Variants in MGAT5 observed in about 807,000 individuals in gnomAD.
The protein encoded by MGAT5 is alpha-1,6-mannosylglycoprotein 6-beta-N-acetylglucosaminyltransferase A.
A neutral mutation model predicts 94.3 loss-of-function variants in MGAT5; 30 were observed. The observed-to-expected ratio is 0.32, with a 90% CI of 0.24 to 0.43. The LOEUF (loss-of-function observed/expected upper bound fraction) is 0.43, where lower values mean the gene tolerates loss of function less well. Among genes scored for constraint, MGAT5 ranks in the 20% least tolerant of loss-of-function variants. MGAT5 has a pLI of 1.00. For missense variants in MGAT5, 691 were observed against 905.5 expected (o/e 0.76, Z 3.04); for synonymous variants, 310 against 322.9 (o/e 0.96, Z 0.43).
chr2:134,428,238 C>G, intron 13 of MGAT5, 127 bp from the exon 14 acceptor site: 1 of 738,474 alleles, frequency 1.4e-6, no homozygotes, highest in Non-Finnish European at 2.3e-6. Flanking sequence ...ACTTGCAAGT[C>G]CATAGTCAAC....
chr2:134,341,775 T>C lies in MGAT5; in HGVS notation c.977+16T>C. On this transcript the variant is annotated intron_variant, in intron 7 of 15. Coordinates refer to ENST00000281923, the MANE Select transcript of MGAT5 (RefSeq NM_002410.5). Reference sequence around the variant, plus strand: ...AGCTCAAGGAGTAAGGAGATTACTTTTCAATTTTAAAATCAGAATACAAAA... The same window carrying C: ...AGCTCAAGGAGTAAGGAGATTACTTCTCAATTTTAAAATCAGAATACAAAA... The C allele has an allele frequency of 6.3e-7, 1 of 1,580,922 alleles. No individual in the cohort carries two copies. Among genetic ancestry groups the C allele is most frequent in the Non-Finnish European group, 8.6e-7 (1 of 1,167,626 alleles).
At chr2:134,395,830 T>C (rs1371132) in intron 10 of MGAT5, among the ~76,000 whole-genome samples, 148,235 of 152,318 alleles carry the variant, frequency 0.97, 72,210 homozygotes, top group East Asian at 1. Context: ...CTGTTCTTTC[T>C]TCCTGTTCGT....
chr2:134,257,609 G>A (rs999887587), intron 1 of MGAT5, among the ~76,000 whole-genome samples: 1 of 152,172 alleles, frequency 6.6e-6, no homozygotes. Flanking sequence ...CAAGAGGATT[G>A]TACTAGGGAT....
At chr2:134,143,340 T>C (rs912002425) in intron 1 of MGAT5, among the ~76,000 whole-genome samples, 1 of 152,202 alleles carries the variant, frequency 6.6e-6, no homozygotes, top group Admixed American at 6.5e-5. Context: ...CTGTGTTTTG[T>C]GGATTTTATT....
At chr2:134,403,223 T>C (rs1262527553) in intron 11 of MGAT5, 86 bp downstream of exon 11, 2 of 1,390,136 alleles carry the variant, frequency 1.4e-6, no homozygotes, top group East Asian at 5.2e-5. Context: ...TGTTTTTCAA[T>C]GCTGCAATAA....
chr2:134,260,850 G>A (rs1683290241), intron 1 of MGAT5, among the ~76,000 whole-genome samples: 1 of 152,036 alleles, frequency 6.6e-6, no homozygotes, highest in Admixed American at 6.5e-5. Flanking sequence ...TGTTCAGTGT[G>A]TCTGAGAAGG....
chr2:134,275,396 T>G (rs572369433), intron 2 of MGAT5, among the ~76,000 whole-genome samples: 7 of 152,296 alleles, frequency 4.6e-5, no homozygotes, highest in Admixed American at 4.6e-4. Context: ...TGGTTTTCAC[T>G]TTGTGTGGTC....
chr2:134,440,803 C>T (rs1020003825), intron 14 of MGAT5, among the ~76,000 whole-genome samples: 3 of 152,138 alleles, frequency 2.0e-5, no homozygotes, highest in East Asian at 3.9e-4. Flanking sequence ...ATTTTCACTT[C>T]GCAAATGTGT....
intron 15 of MGAT5, among the ~76,000 whole-genome samples, chr2:134,442,628 T>C (rs1335140962): frequency 6.6e-6 from 1 of 152,170 alleles, no homozygotes; most frequent in Admixed American, 6.5e-5. Flanking sequence ...CTTGCATTAC[T>C]TAGTGGCACC....
intron 14 of MGAT5, among the ~76,000 whole-genome samples, chr2:134,440,808 A>G (rs967140100): frequency 6.6e-6 from 1 of 152,186 alleles, no homozygotes; most frequent in Non-Finnish European, 1.5e-5. Flanking sequence ...CACTTCGCAA[A>G]TGTGTATTCC....
At chr2:134,157,620 C>T (rs990682629) in intron 1 of MGAT5, among the ~76,000 whole-genome samples, 8 of 151,944 alleles carry the variant, frequency 5.3e-5, no homozygotes, top group African/African-American at 1.2e-4. Flanking sequence ...GATTCAAGTA[C>T]GTTACATCTA....
chr2:134,414,039 T>C (rs985539404), intron 12 of MGAT5, among the ~76,000 whole-genome samples: 1 of 152,140 alleles, frequency 6.6e-6, no homozygotes, highest in Non-Finnish European at 1.5e-5. Flanking sequence ...CTTCCTGTCA[T>C]TGGTGAAATA....
At chr2:134,387,329 TA>T (rs1211300337) in intron 10 of MGAT5, among the ~76,000 whole-genome samples, 485 of 47,382 alleles carry the variant, frequency 0.01, 5 homozygotes, top group African/African-American at 0.019. Flanking sequence ...TATATATATA[TA>T]TATTTTTTTT....
chr2:134,277,406 G>A (rs1684444341), intron 2 of MGAT5, among the ~76,000 whole-genome samples: 1 of 152,136 alleles, frequency 6.6e-6, no homozygotes, highest in African/African-American at 2.4e-5. Context: ...AGTGGAAGGG[G>A]AAGGAAGGCA....
chr2:134,337,240 T>C (rs1464002419), intron 5 of MGAT5, among the ~76,000 whole-genome samples: 2 of 152,184 alleles, frequency 1.3e-5, no homozygotes, highest in African/African-American at 2.4e-5. Flanking sequence ...TTTAGGAGGC[T>C]GAGGCAGGAG....
chr2:134,306,736 G>A (rs1686351849), intron 2 of MGAT5, among the ~76,000 whole-genome samples: 1 of 152,090 alleles, frequency 6.6e-6, no homozygotes, highest in South Asian at 2.1e-4. Context: ...TCTGTTTTTT[G>A]AGTGAAGAAA....
intron 14 of MGAT5, among the ~76,000 whole-genome samples, chr2:134,432,269 A>G (rs1247174502): frequency 6.6e-6 from 1 of 152,226 alleles, no homozygotes; most frequent in Non-Finnish European, 1.5e-5. Context: ...CTGTAAATAT[A>G]TAGCATGGTC....
chr2:134,343,307 T>G (rs991056432), intron 7 of MGAT5, among the ~76,000 whole-genome samples: 2 of 152,184 alleles, frequency 1.3e-5, no homozygotes, highest in Non-Finnish European at 2.9e-5. Flanking sequence ...ACCAATTTTT[T>G]TCATCAACAT....
intron 1 of MGAT5, among the ~76,000 whole-genome samples, chr2:134,181,673 A>G (rs758519236): frequency 1.3e-5 from 2 of 152,240 alleles, no homozygotes; most frequent in Non-Finnish European, 2.9e-5. Flanking sequence ...TTACATATGT[A>G]TAGATAAACA....
Sources: gnomAD v4.1 joint callset for allele counts (sites outside exome capture counted in the v4.1 genomes callset) on GRCh38, gnomAD v4.1.1 for gene constraint, MANE v1.5 for transcripts, NCBI Gene and HGNC (gene_info 2026-07-23, HGNC 2026-07-21) for gene names.